SCHIP1: variants seen among roughly 807,000 people sequenced by gnomAD.
SCHIP1 encodes schwannomin-interacting protein 1.
SCHIP1 carries 8 observed loss-of-function variants against 29.7 expected under a neutral mutation model. That is an observed-to-expected ratio of 0.27 (90% CI 0.16 to 0.49). The LOEUF is 0.49. SCHIP1 is among the 20% of genes least tolerant of loss of function. The pLI is 0.99. For missense variants in SCHIP1, 193 were observed against 294.6 expected, an observed-to-expected ratio of 0.66 and a Z score of 2.52; for synonymous variants, 76 against 94.9, an observed-to-expected ratio of 0.80 and a Z score of 1.16.
At chr3:159,636,208 C>A in the SCHIP1 span, among the ~76,000 whole-genome samples, 2 of 152,264 alleles carry the variant, frequency 1.3e-5, no homozygotes, top group African/African-American at 4.8e-5. Flanking sequence ...CCACCATGCC[C>A]GGCTAATTTT....
the SCHIP1 span, among the ~76,000 whole-genome samples, chr3:159,643,643 A>G: frequency 6.6e-6 from 1 of 152,142 alleles, no homozygotes; most frequent in East Asian, 1.9e-4. Flanking sequence ...TAATCATAAT[A>G]CTAATGTCCT....
At chr3:159,289,656 TTGTC>T in the SCHIP1 span, among the ~76,000 whole-genome samples, 1 of 152,216 alleles carries the variant, frequency 6.6e-6, no homozygotes, top group Middle Eastern at 3.2e-3. Context: ...TTTATATTGT[TTGTC>T]TTTCCATTAA....
the SCHIP1 span, among the ~76,000 whole-genome samples, chr3:159,678,826 A>G: frequency 6.6e-6 from 1 of 152,224 alleles, no homozygotes; most frequent in Non-Finnish European, 1.5e-5. Context: ...CAGAAGACAG[A>G]ATGAGTATAA....
the SCHIP1 span, among the ~76,000 whole-genome samples, chr3:159,667,128 G>A: frequency 6.6e-6 from 1 of 152,188 alleles, no homozygotes; most frequent in African/African-American, 2.4e-5. Context: ...GATAGTAGAG[G>A]GGGAGTGAGA....
the SCHIP1 span, among the ~76,000 whole-genome samples, chr3:159,532,870 G>T: frequency 6.6e-6 from 1 of 152,186 alleles, no homozygotes; most frequent in Non-Finnish European, 1.5e-5. Flanking sequence ...GTTGTGTATT[G>T]AGTGAGCTGT....
the SCHIP1 span, among the ~76,000 whole-genome samples, chr3:159,457,685 G>A: frequency 1.3e-5 from 2 of 152,098 alleles, no homozygotes; most frequent in Non-Finnish European, 2.9e-5. Flanking sequence ...CAGAGGATAT[G>A]TTCCAAGACC....
the SCHIP1 span, among the ~76,000 whole-genome samples, chr3:159,427,576 T>C: frequency 6.6e-6 from 1 of 152,148 alleles, no homozygotes; most frequent in African/African-American, 2.4e-5. Flanking sequence ...CATTCCATGC[T>C]CATGGGTAGG....
the SCHIP1 span, among the ~76,000 whole-genome samples, chr3:159,694,443 TGTGAGACGGAGGTTACA>T: frequency 6.6e-6 from 1 of 151,440 alleles, no homozygotes; most frequent in Admixed American, 6.6e-5. Flanking sequence ...TCACTTCAAC[TGTGAGACGGAGGTTACA>T]GTGAGCCGAG....
At chr3:159,358,915 G>A in the SCHIP1 span, among the ~76,000 whole-genome samples, 5 of 141,850 alleles carry the variant, frequency 3.5e-5, no homozygotes, top group Admixed American at 3.5e-4. Flanking sequence ...TACGGTATTA[G>A]CATCCTTTTT....
chr3:159,447,136 A>T, the SCHIP1 span, among the ~76,000 whole-genome samples: 1 of 152,236 alleles, frequency 6.6e-6, no homozygotes, highest in Admixed American at 6.5e-5. Flanking sequence ...ATGCCGGGTC[A>T]GAAAGACACT....
the SCHIP1 span, among the ~76,000 whole-genome samples, chr3:159,773,928 C>T: frequency 2.6e-5 from 4 of 152,172 alleles, no homozygotes; most frequent in Admixed American, 1.3e-4. Flanking sequence ...GGTTCAGAAG[C>T]AGCCCATAAA....
intron 1 of SCHIP1, among the ~76,000 whole-genome samples, chr3:159,854,786 G>T (rs1713126212): frequency 6.6e-6 from 1 of 152,196 alleles, no homozygotes; most frequent in South Asian, 2.1e-4. Flanking sequence ...AAGAGGATAG[G>T]TCAGTTTGCA....
the SCHIP1 span, among the ~76,000 whole-genome samples, chr3:159,794,207 G>A: frequency 6.6e-6 from 1 of 152,172 alleles, no homozygotes; most frequent in Non-Finnish European, 1.5e-5. Flanking sequence ...TTTGAGTACA[G>A]AAACCTCTGA....
At chr3:159,524,587 C>G in the SCHIP1 span, among the ~76,000 whole-genome samples, 1 of 152,166 alleles carries the variant, frequency 6.6e-6, no homozygotes, top group Admixed American at 6.5e-5. Flanking sequence ...TTGCTGCCTT[C>G]CTTGAGCATT....
chr3:159,297,708 A>G, the SCHIP1 span, among the ~76,000 whole-genome samples: 1 of 152,216 alleles, frequency 6.6e-6, no homozygotes, highest in African/African-American at 2.4e-5. Context: ...ACTGTCAATC[A>G]GAAAAGGGCA....
At chr3:159,667,036 A>T in the SCHIP1 span, among the ~76,000 whole-genome samples, 1 of 152,230 alleles carries the variant, frequency 6.6e-6, no homozygotes, top group Admixed American at 6.5e-5. Context: ...GCATGAAATA[A>T]TGGCAATGAT....
chr3:159,866,374 AGTT>A, intron 2 of SCHIP1, 93 bp downstream of exon 3: 1 of 1,278,302 alleles, frequency 7.8e-7, no homozygotes, highest in Non-Finnish European at 1.1e-6. Flanking sequence ...AATCTTCTGT[AGTT>A]TTTTTTTCCC....
At chr3:159,842,699 C>T (rs1453434619) in intron 1 of SCHIP1, among the ~76,000 whole-genome samples, 2 of 151,888 alleles carry the variant, frequency 1.3e-5, no homozygotes. Context: ...TGGCATGCAC[C>T]CCCACCTCCC....
At chr3:159,337,072 A>G in the SCHIP1 span, among the ~76,000 whole-genome samples, 1 of 152,230 alleles carries the variant, frequency 6.6e-6, no homozygotes, top group African/African-American at 2.4e-5. Flanking sequence ...GTAATCCAGC[A>G]TATAAACAGA....
Sources: allele counts gnomAD v4.1 joint callset (sites outside exome capture counted in the v4.1 genomes callset), GRCh38; gene constraint gnomAD v4.1.1; transcripts MANE v1.5; gene names NCBI Gene and HGNC (gene_info 2026-07-23, HGNC 2026-07-21).